EVC2: variants seen among roughly 807,000 people sequenced by gnomAD.
EVC2 encodes the protein limbin.
Under a neutral mutation model 149.3 loss-of-function variants are expected in EVC2, and 148 were observed. That is an observed-to-expected ratio of 0.99 (90% confidence interval 0.87 to 1.14). The LOEUF (loss-of-function observed/expected upper bound fraction) is 1.14, where lower values mean the gene tolerates loss of function less well. EVC2 is among the 50% of genes most tolerant of loss of function. The pLI, the probability that EVC2 is intolerant of heterozygous loss-of-function variation, is 0.00. For missense variants in EVC2, 1,854 were observed against 1,627.3 expected, an observed-to-expected ratio of 1.14 and a Z score of -2.40; for synonymous variants, 776 against 649.9, an observed-to-expected ratio of 1.19 and a Z score of -2.95.
chr4:5,594,737 T>A (rs983419189), intron 16 of EVC2, among the ~76,000 whole-genome samples: 1 of 152,104 alleles, frequency 6.6e-6, no homozygotes, highest in Non-Finnish European at 1.5e-5. Context: ...TTGGACGAGT[T>A]GAGAGAAGAA....
In EVC2 at chr4:5,685,379, G is replaced by A; in HGVS notation, c.807C>T (p.Ser269=). Residue 269 remains serine (S), a synonymous_variant, in exon 6 of 22, where the codon AGC becomes AGT. Transcript: ENST00000344408. ...LKLPAQLTFQ[S]SSRNRTQLKV... is the part of the protein sequence containing the mutation. ...GTAACAAAGGTCATACCCGTGACGA[G>A]CTCTGAAAGGTGAGTTGGGCAGGAA... The A allele has an allele frequency of 6.2e-7, 1 of 1,614,174 alleles. No homozygotes were observed. Among genetic ancestry groups the A allele is most frequent in the Non-Finnish European group, 8.5e-7 (1 of 1,179,996 alleles).
At chr4:5,616,691 C>T (rs1715281804) in intron 15 of EVC2, among the ~76,000 whole-genome samples, 1 of 152,270 alleles carries the variant, frequency 6.6e-6, no homozygotes, top group African/African-American at 2.4e-5. Flanking sequence ...CCACCACCTT[C>T]TCTGCCGCTA....
chr4:5,603,091 A>C (rs1714123395), intron 16 of EVC2, among the ~76,000 whole-genome samples: 1 of 152,242 alleles, frequency 6.6e-6, no homozygotes, highest in Non-Finnish European at 1.5e-5. Flanking sequence ...CAATCTAGAA[A>C]AGTGGGAGAA....
intron 11 of EVC2, among the ~76,000 whole-genome samples, chr4:5,630,801 G>A (rs190293253): frequency 3.3e-4 from 50 of 152,288 alleles, no homozygotes; most frequent in African/African-American, 1.1e-3. Flanking sequence ...GAGGCAGCCT[G>A]TCTAAAGAAT....
chr4:5,541,417 C>T (rs1191209602), downstream of EVC2, among the ~76,000 whole-genome samples: 1 of 152,130 alleles, frequency 6.6e-6, no homozygotes, highest in East Asian at 1.9e-4. Flanking sequence ...TTTCAAAGAA[C>T]GGGGTCAGGC....
At chr4:5,571,183 T>C (rs1005141856) in intron 19 of EVC2, among the ~76,000 whole-genome samples, 2 of 151,794 alleles carry the variant, frequency 1.3e-5, no homozygotes, top group African/African-American at 4.8e-5. Flanking sequence ...CCGGGCGTGG[T>C]GGCGTGTGCC....
chr4:5,642,175 G>A (rs1717381117), intron 9 of EVC2, among the ~76,000 whole-genome samples: 1 of 152,136 alleles, frequency 6.6e-6, no homozygotes, highest in Admixed American at 6.5e-5. Flanking sequence ...TCTTTATCCA[G>A]TCTATCATCG....
chr4:5,697,627 C>T lies in EVC2; in HGVS notation c.249G>A (p.Trp83Ter). The T allele has an allele frequency of 6.2e-7, 1 of 1,614,004 alleles. No individual in the cohort carries two copies. Among genetic ancestry groups the T allele is most frequent in the Non-Finnish European group, 8.5e-7 (1 of 1,179,976 alleles). ...TAAAGTGACAGCATTCCACTTTGGGCCAAATCATACAGGGCAAGTCCTAAA... is the reference window on the plus strand; with the variant it reads ...TAAAGTGACAGCATTCCACTTTGGGTCAAATCATACAGGGCAAGTCCTAAA... ...SSTQDLPCMI[W>*]PKVECCHFKT... is the part of the protein sequence containing the mutation. Residue 83 changes from tryptophan to a stop codon, truncating the protein, a stop_gained, in exon 2 of 22, where the codon TGG becomes TGA. Coordinates refer to ENST00000344408, the MANE Select transcript of EVC2 (RefSeq NM_147127.5). LOFTEE classifies it high-confidence loss of function.
the EVC2 span, among the ~76,000 whole-genome samples, chr4:5,530,043 C>T: frequency 4.6e-5 from 7 of 152,058 alleles, no homozygotes; most frequent in Non-Finnish European, 7.4e-5. Context: ...CTTGAACTCC[C>T]GACCTCAGGT....
At position 5,689,343 on chromosome 4, in the gene EVC2, C is replaced by A; in HGVS notation, c.520G>T (p.Val174Leu). 1.2e-6 allele frequency: 2 copies of A among 1,613,960 alleles called. No individual in the cohort carries two copies. Among genetic ancestry groups the A allele is most frequent in the Non-Finnish European group, 1.7e-6 (2 of 1,180,002 alleles). Residue 174 changes from valine (V) to leucine (L), a missense_variant and splice_region_variant, in exon 5 of 22, where the codon GTG becomes TTG. By Grantham distance (32) the Val-to-Leu change is conservative (BLOSUM62 1). Coordinates refer to ENST00000344408, the MANE Select transcript of EVC2 (RefSeq NM_147127.5). Reference sequence around the variant, plus strand: ...GTCTGTGCTTCACTCGACCCAGACACCTAGGGCAGAAGGAGAAGGCATGAG... The same window carrying A: ...GTCTGTGCTTCACTCGACCCAGACAACTAGGGCAGAAGGAGAAGGCATGAG... ...NGVIFQKCAL[V>L]SGSSEAQTAR...
intron 21 of EVC2, among the ~76,000 whole-genome samples, chr4:5,552,530 TAG>T (rs1721760164): frequency 1.3e-5 from 2 of 151,850 alleles, no homozygotes; most frequent in African/African-American, 4.8e-5. Context: ...CTGGCTATGA[TAG>T]AGTCGCAGAG....
intron 16 of EVC2, among the ~76,000 whole-genome samples, chr4:5,600,410 A>G (rs184851057): frequency 6.6e-6 from 1 of 152,322 alleles, no homozygotes; most frequent in East Asian, 1.9e-4. Context: ...CCCTATTTTA[A>G]AGAGGTTTCT....
Position 5,691,341 on chromosome 4 carries a change from A to G in EVC2, c.451-8T>C, listed in dbSNP as rs1721108385. On this transcript the variant is annotated splice_region_variant and splice_polypyrimidine_tract_variant and intron_variant, in intron 3 of 21. Coordinates refer to ENST00000344408, the MANE Select transcript of EVC2 (RefSeq NM_147127.5). ...TCTTGAAATGTCCCCATACTACAATAAAATGTAAAAGTTATTAGAAAATGA... is the reference window on the plus strand; with the variant it reads ...TCTTGAAATGTCCCCATACTACAATGAAATGTAAAAGTTATTAGAAAATGA... 6 of 1,605,704 alleles carry G rather than the reference A, an allele frequency of 3.7e-6. No homozygotes were observed. The East Asian group carries it at 1.3e-4, about 36-fold the overall frequency.
At chr4:5,587,065 CA>C in intron 16 of EVC2, among the ~76,000 whole-genome samples, 2 of 152,332 alleles carry the variant, frequency 1.3e-5, no homozygotes, top group Middle Eastern at 6.8e-3. Context: ...AAAAACGTCA[CA>C]CTCCTTTGTT....
chr4:5,708,220 ACCG>A, intron 1 of EVC2, 63 bp downstream of exon 1: 1 of 1,352,022 alleles, frequency 7.4e-7, no homozygotes, highest in Non-Finnish European at 9.7e-7. Context: ...CCTCCCTGCC[ACCG>A]CCGGTGTAGA....
Position 5,636,704 on chromosome 4 carries a change from G to C in EVC2, c.1470+3810C>G, listed in dbSNP as rs1198651066. On this transcript the variant is annotated intron_variant, in intron 10 of 21. Coordinates refer to ENST00000344408, the MANE Select transcript of EVC2 (RefSeq NM_147127.5). The surrounding 1 kb of genome is among the most constrained non-coding windows in gnomAD (Gnocchi z 4.6). Reference sequence around the variant, plus strand: ...CCAATGCTTCCTGGGTATCAAGGGAGGGATGACTGTACTGTACTAAACTTT... The same window carrying C: ...CCAATGCTTCCTGGGTATCAAGGGACGGATGACTGTACTGTACTAAACTTT... Among the ~76,000 whole-genome samples, 1 of 152,072 alleles carries C rather than the reference G, an allele frequency of 6.6e-6. No individual in the cohort carries two copies. Among genetic ancestry groups the C allele is most frequent in the Non-Finnish European group, 1.5e-5 (1 of 68,016 alleles).
At chr4:5,607,851 A>G (rs1208395489) in intron 16 of EVC2, among the ~76,000 whole-genome samples, 1 of 152,040 alleles carries the variant, frequency 6.6e-6, no homozygotes, top group African/African-American at 2.4e-5. Flanking sequence ...GAATCACCAC[A>G]CAAAACATTC....
At chr4:5,667,952 C>T (rs1719383242) in intron 7 of EVC2, among the ~76,000 whole-genome samples, 1 of 152,228 alleles carries the variant, frequency 6.6e-6, no homozygotes, top group African/African-American at 2.4e-5. Context: ...AGTTTCCAGA[C>T]ACCAGCCCAG....
rs562028734 is a variant in EVC2, at chr4:5,657,861, T to C, written c.1145+5246A>G. ...AAGGCCCCTCACTGGCTCTGATGACTCTTCAATCTCTGTGCCCTCTACACC... is the reference window on the plus strand; with the variant it reads ...AAGGCCCCTCACTGGCTCTGATGACCCTTCAATCTCTGTGCCCTCTACACC... On this transcript the variant is annotated intron_variant, in intron 9 of 21. Transcript: ENST00000344408. The surrounding 1 kb of genome is among the most constrained non-coding windows in gnomAD (Gnocchi z 4.7). Among the ~76,000 whole-genome samples the C allele has an allele frequency of 1.3e-5, 2 of 152,118 alleles. No homozygotes were observed. The highest frequency in any genetic ancestry group is 2.4e-5 in the African/African-American group (1 of 41,492).
Sources: gnomAD v4.1 joint callset for allele counts (sites outside exome capture counted in the v4.1 genomes callset) on GRCh38, gnomAD v4.1.1 for gene constraint, Gnocchi (gnomAD v3.1) non-coding constraint, MANE v1.5 for transcripts, NCBI Gene and HGNC (gene_info 2026-07-23, HGNC 2026-07-21) for gene names.